TEX2: variants seen among roughly 807,000 people sequenced by gnomAD.
The protein encoded by TEX2 is testis expressed 2.
TEX2 carries 53 observed loss-of-function variants against 106.9 expected under a neutral mutation model. That is an observed-to-expected ratio of 0.50 (90% CI 0.40 to 0.62). TEX2 has a LOEUF of 0.62. TEX2 is among the 20% of genes least tolerant of loss of function. The pLI is 0.00. For synonymous variants in TEX2, 523 were observed against 534.8 expected (o/e 0.98, Z 0.30); for missense variants, 1,207 against 1,379.0 (o/e 0.88, Z 1.98).
At chr17:64,236,002 C>G (rs1475129418) in intron 1 of TEX2, among the ~76,000 whole-genome samples, 1 of 151,872 alleles carries the variant, frequency 6.6e-6, no homozygotes. Context: ...CTCTGTCTTC[C>G]CCTTTACACT....
intron 2 of TEX2, among the ~76,000 whole-genome samples, chr17:64,203,909 C>A (rs916497403): frequency 1.3e-5 from 2 of 152,212 alleles, no homozygotes; most frequent in South Asian, 2.1e-4. Context: ...TCCTCCAGTG[C>A]AGAATCTCCC....
chr17:64,154,600 T>C (rs2030523132), intron 9 of TEX2, among the ~76,000 whole-genome samples: 1 of 152,088 alleles, frequency 6.6e-6, no homozygotes, highest in Admixed American at 6.5e-5. Context: ...CCCTTCAACT[T>C]CTCTATTATT....
chr17:64,201,828 T>G (rs1248358508), intron 2 of TEX2, among the ~76,000 whole-genome samples: 2 of 152,222 alleles, frequency 1.3e-5, no homozygotes, highest in Non-Finnish European at 2.9e-5. Context: ...GGGATCATCA[T>G]GTCTGCCAAC....
At chr17:64,176,962 G>C (rs150817521) in intron 6 of TEX2, among the ~76,000 whole-genome samples, 1 of 152,130 alleles carries the variant, frequency 6.6e-6, no homozygotes, top group Non-Finnish European at 1.5e-5. Flanking sequence ...ACTGCTGTGG[G>C]GCTGGGTGGG....
At chr17:64,223,933 C>T (rs1229187211) in intron 1 of TEX2, among the ~76,000 whole-genome samples, 2 of 151,886 alleles carry the variant, frequency 1.3e-5, no homozygotes, top group African/African-American at 4.8e-5. Context: ...GCCAGGAGGC[C>T]GAGGCAGGTA....
At chr17:64,199,839 G>T (rs1379729192) in intron 2 of TEX2, among the ~76,000 whole-genome samples, 1 of 152,220 alleles carries the variant, frequency 6.6e-6, no homozygotes, top group Non-Finnish European at 1.5e-5. Context: ...TTGGGTTCAA[G>T]CTTTTTAGCC....
chr17:64,202,160 C>T (rs782759782), intron 2 of TEX2, among the ~76,000 whole-genome samples: 1 of 152,162 alleles, frequency 6.6e-6, no homozygotes, highest in African/African-American at 2.4e-5. Context: ...GGACAGAAAT[C>T]GGATGGGCTA....
intron 8 of TEX2, among the ~76,000 whole-genome samples, chr17:64,158,794 G>A (rs1222474526): frequency 6.6e-6 from 1 of 152,200 alleles, no homozygotes. Context: ...GAAAAAAGGG[G>A]TAAGGGTCCA....
At chr17:64,211,241 G>A (rs1474027680) in intron 2 of TEX2, among the ~76,000 whole-genome samples, 2 of 152,160 alleles carry the variant, frequency 1.3e-5, no homozygotes, top group Admixed American at 6.5e-5. Flanking sequence ...AATTACAGGC[G>A]TGAGCCACCA....
Sources: allele counts gnomAD v4.1 joint callset (sites outside exome capture counted in the v4.1 genomes callset), GRCh38; gene constraint gnomAD v4.1.1; transcripts MANE v1.5; gene names NCBI Gene and HGNC (gene_info 2026-07-23, HGNC 2026-07-21).